Variants in CIMIP2C observed in about 807,000 individuals in gnomAD.
CIMIP2C encodes ciliary microtubule inner protein 2C.
the CIMIP2C span, among the ~76,000 whole-genome samples, chr2:26,566,254 C>A: frequency 3.9e-5 from 6 of 152,214 alleles, no homozygotes; most frequent in Admixed American, 3.9e-4. Flanking sequence ...CCCAGCCCCT[C>A]TCTCTGTCTG....
At chr2:26,576,126 G>A in the CIMIP2C span, 19 of 1,613,968 alleles carry the variant, frequency 1.2e-5, no homozygotes, top group Middle Eastern at 1.6e-4. Context: ...AGCTACACTC[G>A]CTTCAACCTG....
At chr2:26,566,756 G>A in the CIMIP2C span, among the ~76,000 whole-genome samples, 2 of 152,324 alleles carry the variant, frequency 1.3e-5, no homozygotes, top group Non-Finnish European at 2.9e-5. Context: ...GTCTTACTCT[G>A]TCACCCAGGC....
chr2:26,579,493 T>G, the CIMIP2C span: 1 of 1,581,912 alleles, frequency 6.3e-7, no homozygotes, highest in Non-Finnish European at 8.6e-7. Context: ...GTGACCAGCC[T>G]GGCTTGCTTG....
the CIMIP2C span, among the ~76,000 whole-genome samples, chr2:26,567,365 A>G: frequency 6.6e-6 from 1 of 152,220 alleles, no homozygotes; most frequent in Non-Finnish European, 1.5e-5. Flanking sequence ...TCCTGCCGCC[A>G]TGAGAACAAG....
At chr2:26,570,375 G>T in the CIMIP2C span, among the ~76,000 whole-genome samples, 1 of 152,250 alleles carries the variant, frequency 6.6e-6, no homozygotes, top group Non-Finnish European at 1.5e-5. Context: ...CCAGGGCATG[G>T]TGCCCCCAGA....
At chr2:26,573,054 G>A in the CIMIP2C span, among the ~76,000 whole-genome samples, 2 of 152,212 alleles carry the variant, frequency 1.3e-5, no homozygotes, top group East Asian at 1.9e-4. Context: ...TCATCAGTGC[G>A]AATGTTGCAG....
chr2:26,570,737 C>T, the CIMIP2C span, among the ~76,000 whole-genome samples: 1 of 152,180 alleles, frequency 6.6e-6, no homozygotes, highest in South Asian at 2.1e-4. Context: ...AGGGCACCTA[C>T]AGTGCAGTGA....
chr2:26,570,771 G>T, the CIMIP2C span, among the ~76,000 whole-genome samples: 2 of 152,220 alleles, frequency 1.3e-5, no homozygotes, highest in African/African-American at 2.4e-5. Flanking sequence ...GGATGGCTCT[G>T]GTGCTGTATG....
the CIMIP2C span, among the ~76,000 whole-genome samples, chr2:26,563,383 C>T: frequency 6.6e-6 from 1 of 152,296 alleles, no homozygotes; most frequent in Middle Eastern, 3.4e-3. Context: ...AGACTCCAAC[C>T]ATCTAACATG....
At chr2:26,579,256 G>A in the CIMIP2C span, 10 of 1,604,260 alleles carry the variant, frequency 6.2e-6, no homozygotes, top group African/African-American at 1.1e-4. Flanking sequence ...TTCCTTCCCT[G>A]GCACACTGCA....
chr2:26,571,587 T>G, the CIMIP2C span, among the ~76,000 whole-genome samples: 13 of 152,268 alleles, frequency 8.5e-5, no homozygotes, highest in African/African-American at 3.1e-4. Context: ...CCTGATAAAT[T>G]AATGTTTCAT....
chr2:26,577,820 A>G, the CIMIP2C span: 1 of 532,346 alleles, frequency 1.9e-6, no homozygotes. Context: ...GGATGGTGGT[A>G]GCCTGAATGG....
chr2:26,577,724 T>A, the CIMIP2C span: 1 of 887,434 alleles, frequency 1.1e-6, no homozygotes, highest in Non-Finnish European at 1.8e-6. Context: ...GACTGAGAAA[T>A]GAGTTGAGGA....
chr2:26,578,596 C>T, the CIMIP2C span: 6 of 335,414 alleles, frequency 1.8e-5, no homozygotes, highest in Admixed American at 2.3e-4. Flanking sequence ...TCTCCCATCA[C>T]CACCTCTAGG....
chr2:26,578,097 A>T, the CIMIP2C span: 7 of 158,496 alleles, frequency 4.4e-5, no homozygotes, highest in African/African-American at 1.4e-4. Flanking sequence ...CTGTCCATCT[A>T]ACTAAATAGG....
At chr2:26,563,052 C>T in the CIMIP2C span, 1 of 255,232 alleles carries the variant, frequency 3.9e-6, no homozygotes, top group Non-Finnish European at 7.4e-6. Context: ...AGAGAAAATG[C>T]GAGAAAATCA....
the CIMIP2C span, among the ~76,000 whole-genome samples, chr2:26,572,847 T>C: frequency 1.3e-5 from 2 of 152,048 alleles, no homozygotes; most frequent in African/African-American, 2.4e-5. Context: ...GGCTGCCCGA[T>C]GGTTCCAGTG....
At chr2:26,577,500 C>A in the CIMIP2C span, 1 of 1,609,690 alleles carries the variant, frequency 6.2e-7, no homozygotes, top group Non-Finnish European at 8.5e-7. Context: ...TCATCTCTTC[C>A]TTGATTGAAC....
the CIMIP2C span, chr2:26,562,684 CG>C: frequency 1.9e-6 from 3 of 1,568,750 alleles, no homozygotes; most frequent in Non-Finnish European, 2.6e-6. Context: ...GACTCATGCC[CG>C]GGTAAGGCCG....
Sources: allele counts gnomAD v4.1 joint callset (sites outside exome capture counted in the v4.1 genomes callset), GRCh38; gene constraint gnomAD v4.1.1; transcripts MANE v1.5; gene names NCBI Gene and HGNC (gene_info 2026-07-23, HGNC 2026-07-21).